PHLPP1: variants seen among roughly 807,000 people sequenced by gnomAD.
The protein encoded by PHLPP1 is PH domain and leucine rich repeat protein phosphatase 1.
A neutral mutation model predicts 117.2 loss-of-function variants in PHLPP1; 42 were observed. The observed-to-expected ratio is 0.36, with a 90% CI of 0.28 to 0.46. The LOEUF (loss-of-function observed/expected upper bound fraction) is 0.46. PHLPP1 is among the 20% of genes least tolerant of loss of function. The probability of loss-of-function intolerance (pLI) is 1.00; values close to 1 mark genes in which losing one functional copy is unlikely to be tolerated. For missense variants in PHLPP1, 2,084 were observed against 2,241.9 expected (o/e 0.93, Z 1.42); for synonymous variants, 1,042 against 970.7 (o/e 1.07, Z -1.37).
At chr18:62,918,533 CT>C in intron 9 of PHLPP1, among the ~76,000 whole-genome samples, 1 of 151,472 alleles carries the variant, frequency 6.6e-6, no homozygotes, top group Non-Finnish European at 1.5e-5. Flanking sequence ...ATAATCTGGC[CT>C]GGATAATCTG....
chr18:62,945,067 A>G lies in PHLPP1; in HGVS notation c.3162-42A>G, dbSNP rs148136850. The G allele has an allele frequency of 5.0e-6, 7 of 1,391,914 alleles. No homozygotes were observed. The African/African-American group carries it at 5.8e-5, about 12-fold the overall frequency. 86.2% of individuals were successfully genotyped at this position (1,391,914 alleles called of 1,614,324 possible). On this transcript the variant is annotated intron_variant, in intron 11 of 16. Coordinates refer to ENST00000262719, the MANE Select transcript of PHLPP1 (RefSeq NM_194449.4). ...TAATTCATCCTTTGATTCTCGTCCT[A>G]TATTATTTTCTTTTAAATTGCTTTA... is the stretch of plus-strand genomic sequence containing the variant.
chr18:62,821,046 A>G (rs972929672), intron 1 of PHLPP1, among the ~76,000 whole-genome samples: 5 of 152,246 alleles, frequency 3.3e-5, no homozygotes, highest in Non-Finnish European at 7.3e-5. Context: ...GAAATTAGAA[A>G]GTACTATGAA....
chr18:62,974,865 A>G (rs748589695), intron 15 of PHLPP1, among the ~76,000 whole-genome samples: 3 of 152,212 alleles, frequency 2.0e-5, no homozygotes, highest in Non-Finnish European at 2.9e-5. Flanking sequence ...GAACACTCCA[A>G]TACTTCAAGG....
In PHLPP1 at chr18:62,881,823, A is replaced by G. The variant is rs114851056; in HGVS notation, c.2067-13188A>G. On this transcript the variant is annotated intron_variant, in intron 4 of 16. Coordinates refer to ENST00000262719, the MANE Select transcript of PHLPP1 (RefSeq NM_194449.4). ...AGCACTGTACCAAGAAACTGAGAAG[A>G]TGTGAGAGTTCAGTTACAGGCCAAT... 5.7e-3 allele frequency among the ~76,000 whole-genome samples: 871 copies of G among 152,328 alleles called. 13 individuals are homozygous for G. Among genetic ancestry groups the G allele is most frequent in the African/African-American group, 0.02 (828 of 41,568 alleles).
chr18:62,719,347 C>T (rs1038635444), intron 1 of PHLPP1, among the ~76,000 whole-genome samples: 1 of 152,210 alleles, frequency 6.6e-6, no homozygotes, highest in African/African-American at 2.4e-5. Context: ...CCAGACATCT[C>T]TGCTGTTATT....
At position 62,766,075 on chromosome 18, in the gene PHLPP1, AAATATATATAT is replaced by A. The variant is rs1215036012; in HGVS notation, c.1576+48818_1576+48828del. ...GACTCCATCTCAAAAAAAAAAAAAA[AAATATATATAT>A]ATATATATATATATATAAAATATAT... is the stretch of plus-strand genomic sequence containing the variant. On this transcript the variant is annotated intron_variant, in intron 1 of 16. Transcript: ENST00000262719. Among the ~76,000 whole-genome samples, 8 of 49,604 alleles carry A rather than the reference AAATATATATAT, an allele frequency of 1.6e-4. 1 individual carries two copies. The highest frequency in any genetic ancestry group is 6.9e-4 in the East Asian group (1 of 1,442). The allele number at this position is 49,604 out of a possible 152,430, so 32.5% of individuals were successfully genotyped here. A position where few individuals can be genotyped will look rare whatever the true frequency, so the allele number is the denominator to read the frequency against.
intron 3 of PHLPP1, among the ~76,000 whole-genome samples, chr18:62,855,712 G>A (rs376575747): frequency 2.6e-5 from 4 of 152,306 alleles, no homozygotes; most frequent in African/African-American, 9.6e-5. Flanking sequence ...GGTCTAGAAG[G>A]AGGAAAGGAA....
intron 8 of PHLPP1, among the ~76,000 whole-genome samples, chr18:62,913,964 T>C (rs55868084): frequency 0.034 from 5,228 of 152,166 alleles, 309 homozygotes; most frequent in African/African-American, 0.12. Flanking sequence ...CAGGCTTGTG[T>C]CAAACTCCTG....
At position 62,940,354 on chromosome 18, in the gene PHLPP1, C is replaced by CTTTTTTTTTTTTTTTTTTTTTTTT. The variant is rs66530466; in HGVS notation, c.2961-1359_2961-1336dup. Among the ~76,000 whole-genome samples the CTTTTTTTTTTTTTTTTTTTTTTTT allele has an allele frequency of 2.4e-4, 11 of 46,800 alleles. 2 individuals are homozygous for CTTTTTTTTTTTTTTTTTTTTTTTT. The highest frequency in any genetic ancestry group is 2.9e-4 in the Non-Finnish European group (8 of 27,322). The allele number at this position is 46,800 out of a possible 152,430, so 30.7% of individuals were successfully genotyped here. A position where few individuals can be genotyped will look rare whatever the true frequency, so the allele number is the denominator to read the frequency against. Reference sequence around the variant, plus strand: ...ATCCACGTTTCTTTTTCTTTCTTTTCTTTTTTTTTTTTTTTTTTTTTTTTT... The same window carrying CTTTTTTTTTTTTTTTTTTTTTTTT: ...ATCCACGTTTCTTTTTCTTTCTTTTCTTTTTTTTTTTTTTTTTTTTTTTTTTTTTTTTTTTTTTTTTTTTTTTTT... On this transcript the variant is annotated intron_variant, in intron 10 of 16. Coordinates refer to ENST00000262719, the MANE Select transcript of PHLPP1 (RefSeq NM_194449.4).
chr18:62,892,056 AT>A (rs1916431537), intron 4 of PHLPP1, among the ~76,000 whole-genome samples: 1 of 133,042 alleles, frequency 7.5e-6, no homozygotes, highest in Non-Finnish European at 1.6e-5. Context: ...TTTTCTTTTC[AT>A]TTTCTTTCTT....
intron 1 of PHLPP1, among the ~76,000 whole-genome samples, chr18:62,752,715 CAG>C (rs1555668943): frequency 2.6e-5 from 4 of 152,292 alleles, no homozygotes; most frequent in Admixed American, 1.3e-4. Context: ...AATACATTAT[CAG>C]GGGATGGTCA....
chr18:62,811,754 A>G (rs1274898777), intron 1 of PHLPP1, among the ~76,000 whole-genome samples: 2 of 152,158 alleles, frequency 1.3e-5, no homozygotes, highest in Non-Finnish European at 2.9e-5. Flanking sequence ...GATTCCTAAT[A>G]AGTTGAGAGA....
intron 13 of PHLPP1, among the ~76,000 whole-genome samples, chr18:62,960,695 T>C (rs1715844383): frequency 1.3e-5 from 2 of 152,126 alleles, no homozygotes; most frequent in Admixed American, 6.5e-5. Flanking sequence ...CCCCCTCAAA[T>C]TGGTGCTGCT....
chr18:62,863,198 TTTTC>T (rs1025520587), intron 4 of PHLPP1, among the ~76,000 whole-genome samples: 3 of 151,378 alleles, frequency 2.0e-5, no homozygotes, highest in Non-Finnish European at 4.4e-5. Flanking sequence ...CTCTCTCTTC[TTTTC>T]TTTCTTCTTT....
intron 10 of PHLPP1, among the ~76,000 whole-genome samples, chr18:62,929,556 G>T (rs1328051388): frequency 1.3e-5 from 2 of 152,118 alleles, no homozygotes; most frequent in Non-Finnish European, 2.9e-5. Flanking sequence ...CAAAAGGAAT[G>T]ATAGTGAGCA....
In PHLPP1 at chr18:62,900,060, G is replaced by A. The variant is rs141590235; in HGVS notation, c.2445-2904G>A. Among the ~76,000 whole-genome samples, 1,213 of 152,166 alleles carry A rather than the reference G, an allele frequency of 8.0e-3. 26 individuals carry two copies. Among genetic ancestry groups the A allele is most frequent in the African/African-American group, 0.028 (1,165 of 41,522 alleles). ...GCCTGTAATCTCAGCACTTTGGGAGGCCGAGGCAGGTGGATCACCTGAGGT... is the reference window on the plus strand; with the variant it reads ...GCCTGTAATCTCAGCACTTTGGGAGACCGAGGCAGGTGGATCACCTGAGGT... On this transcript the variant is annotated intron_variant, in intron 6 of 16. Coordinates refer to ENST00000262719, the MANE Select transcript of PHLPP1 (RefSeq NM_194449.4).
intron 10 of PHLPP1, among the ~76,000 whole-genome samples, chr18:62,932,119 C>A (rs1909831325): frequency 6.6e-6 from 1 of 152,004 alleles, no homozygotes; most frequent in Admixed American, 6.6e-5. Flanking sequence ...AAAATTGAGT[C>A]AATAATAAAA....
In PHLPP1 at chr18:62,716,280, C is replaced by G; in HGVS notation, c.597C>G (p.Leu199=). The G allele has an allele frequency of 1.3e-6, 2 of 1,531,128 alleles. No individual in the cohort carries two copies. The highest frequency in any genetic ancestry group is 1.7e-6 in the Non-Finnish European group (2 of 1,145,186). The allele number at this position is 1,531,128 out of a possible 1,614,324, so 94.8% of individuals were successfully genotyped here. A position where few individuals can be genotyped will look rare whatever the true frequency, so the allele number is the denominator to read the frequency against. ...PSDRDWVRHQ[L]QRGCVHVFDR... is the part of the protein sequence containing the mutation. ...ACCGGGACTGGGTGAGGCACCAGCT[C>G]CAGCGCGGCTGCGTGCACGTCTTCG... Residue 199 remains leucine (L), a synonymous_variant, in exon 1 of 17, where the codon CTC becomes CTG. Coordinates refer to ENST00000262719, the MANE Select transcript of PHLPP1 (RefSeq NM_194449.4). This position sits in a 1 kb window ranked among gnomAD's most constrained non-coding sequence, Gnocchi z 5.7.
chr18:62,727,055 C>G (rs1367913424), intron 1 of PHLPP1, among the ~76,000 whole-genome samples: 3 of 150,796 alleles, frequency 2.0e-5, no homozygotes, highest in East Asian at 4.0e-4. Flanking sequence ...TGGTGAAACC[C>G]CATCTCTACT....
Sources: gnomAD v4.1 joint callset for allele counts (sites outside exome capture counted in the v4.1 genomes callset) on GRCh38, gnomAD v4.1.1 for gene constraint, Gnocchi (gnomAD v3.1) non-coding constraint, MANE v1.5 for transcripts, NCBI Gene and HGNC (gene_info 2026-07-23, HGNC 2026-07-21) for gene names.